The following UPF2 variants were observed in gnomAD, a reference collection of about 807,000 sequenced individuals.
The protein encoded by UPF2 is regulator of nonsense transcripts 2.
In UPF2, 17 loss-of-function variants were observed where a neutral mutation model predicts 141.4. The observed-to-expected ratio is 0.12, with a 90% CI of 0.08 to 0.18. The LOEUF (loss-of-function observed/expected upper bound fraction) is 0.18, where lower values mean the gene tolerates loss of function less well. UPF2 is among the 10% of genes least tolerant of loss of function. UPF2 has a pLI of 1.00. For missense variants in UPF2, 1,152 were observed against 1,515.9 expected, an observed-to-expected ratio of 0.76 and a Z score of 3.99; for synonymous variants, 540 against 498.0, an observed-to-expected ratio of 1.08 and a Z score of -1.12.
chr10:11,957,745 C>T (rs1387452214), intron 12 of UPF2, among the ~76,000 whole-genome samples: 5 of 152,170 alleles, frequency 3.3e-5, no homozygotes, highest in East Asian at 3.9e-4. Flanking sequence ...CTCGAATTCC[C>T]GGCCTCAAGT....
At chr10:11,955,869 G>A (rs1047161371) in intron 13 of UPF2, among the ~76,000 whole-genome samples, 22 of 152,220 alleles carry the variant, frequency 1.4e-4, no homozygotes, top group African/African-American at 4.3e-4. Flanking sequence ...TAGGCCGGGC[G>A]CAGTAGCTCA....
In UPF2 at chr10:12,042,433, G is replaced by T. The variant is rs1010435625; in HGVS notation, c.-19+322C>A. The stretch of plus-strand genomic sequence containing the variant: ...TCCCCTCGCTCTCCTCCACGCCCCC[G>T]AACACTTTCGCCCCTCCACCGCGGG... On this transcript the variant is annotated intron_variant, in intron 1 of 21. Coordinates refer to ENST00000357604, the MANE Select transcript of UPF2 (RefSeq NM_015542.4). The surrounding 1 kb of genome is among the most constrained non-coding windows in gnomAD (Gnocchi z 5.5). Among the ~76,000 whole-genome samples, 2 of 151,796 alleles carry T rather than the reference G, an allele frequency of 1.3e-5. No homozygotes were observed. The highest frequency in any genetic ancestry group is 4.8e-5 in the African/African-American group (2 of 41,294).
chr10:12,038,932 GCTA>G (rs1834685184), intron 1 of UPF2, among the ~76,000 whole-genome samples: 1 of 136,646 alleles, frequency 7.3e-6, no homozygotes, highest in Non-Finnish European at 1.7e-5. Flanking sequence ...CTTCCAAAGT[GCTA>G]GGATTACAGG....
chr10:12,006,720 T>A (rs1466564364), intron 4 of UPF2, among the ~76,000 whole-genome samples: 1 of 152,226 alleles, frequency 6.6e-6, no homozygotes, highest in African/African-American at 2.4e-5. Context: ...GAGCATAGTA[T>A]AATGAATATA....
rs1402468674 is a variant in UPF2 at position 11,931,534 on chromosome 10, T to C, written c.3688+107A>G. On this transcript the variant is annotated intron_variant, in intron 20 of 21. Transcript: ENST00000357604. The surrounding 1 kb of genome is among the most constrained non-coding windows in gnomAD (Gnocchi z 5.9). The stretch of plus-strand genomic sequence containing the variant: ...AACAGTGGGATACAAAATGAATTTC[T>C]CAGCATAAATATGGAAAAATATGAC... 1 of 1,192,764 alleles carries C rather than the reference T, an allele frequency of 8.4e-7. No homozygotes were observed. The highest frequency in any genetic ancestry group is 1.1e-6 in the Non-Finnish European group (1 of 886,380). 73.9% of individuals were successfully genotyped at this position (1,192,764 alleles called of 1,614,324 possible).
chr10:11,966,328 T>C (rs1833319279), intron 10 of UPF2, among the ~76,000 whole-genome samples: 1 of 152,252 alleles, frequency 6.6e-6, no homozygotes, highest in African/African-American at 2.4e-5. Flanking sequence ...TTTTGCTTTA[T>C]ATATTTTGAA....
intron 2 of UPF2, among the ~76,000 whole-genome samples, chr10:12,034,739 A>G (rs1834591892): frequency 2.0e-5 from 3 of 152,038 alleles, no homozygotes; most frequent in South Asian, 4.2e-4. Flanking sequence ...CAGGAGGCGG[A>G]GGTTGGAGTG....
rs756847596 is a variant in UPF2, at chr10:11,952,204, G to A, written c.2896C>T (p.His966Tyr). The part of the protein sequence containing the change: ...KKSLEVWTKD[H>Y]PFPIDIDYMI... ...TAATCTATATCAATAGGAAATGGAT[G>A]GTCTTTTGTCCAAACCTCCAAACTT... The change falls in exon 15 of 22, where the codon CAT (histidine) becomes TAT (tyrosine). Residue 966 changes from histidine (H) to tyrosine (Y), a missense_variant. By Grantham distance (83) the His-to-Tyr change is moderately conservative (BLOSUM62 2). Coordinates refer to ENST00000357604, the MANE Select transcript of UPF2 (RefSeq NM_015542.4). 1.2e-6 allele frequency: 2 copies of A among 1,612,058 alleles called. No individual in the cohort carries two copies. Among genetic ancestry groups the A allele is most frequent in the African/African-American group, 1.3e-5 (1 of 74,794 alleles).
intron 9 of UPF2, among the ~76,000 whole-genome samples, chr10:11,970,585 G>T (rs1393675860): frequency 6.6e-6 from 1 of 152,112 alleles, no homozygotes; most frequent in Non-Finnish European, 1.5e-5. Context: ...GCCAAGGCAG[G>T]TGGATCACTT....
intron 14 of UPF2, among the ~76,000 whole-genome samples, chr10:11,954,279 A>G (rs1038842413): frequency 6.6e-6 from 1 of 152,162 alleles, no homozygotes; most frequent in East Asian, 1.9e-4. Context: ...AAATGAACAA[A>G]TATTCTTACT....
chr10:12,032,677 G>T (rs900036757), intron 2 of UPF2, among the ~76,000 whole-genome samples: 4 of 150,500 alleles, frequency 2.7e-5, no homozygotes, highest in African/African-American at 7.3e-5. Flanking sequence ...GGCAGAGATC[G>T]CAGTGAGCCA....
rs1832919483 is a variant in UPF2 at position 11,940,146 on chromosome 10, T to C, written c.3378+2519A>G. Among the ~76,000 whole-genome samples the C allele has an allele frequency of 6.6e-6, 1 of 152,192 alleles. No individual in the cohort carries two copies. The highest frequency in any genetic ancestry group is 2.4e-5 in the African/African-American group (1 of 41,450). On this transcript the variant is annotated intron_variant, in intron 18 of 21. Coordinates refer to ENST00000357604, the MANE Select transcript of UPF2 (RefSeq NM_015542.4). The surrounding 1 kb of genome is among the most constrained non-coding windows in gnomAD (Gnocchi z 4.2). ...AACTAGGGCCTAATATAGAATTAAG[T>C]TTTTCTCCAGCACAAAAAGCACATC...
rs931223007 is a variant in UPF2, at chr10:11,959,153, TG to T, written c.2370+17del. On this transcript the variant is annotated intron_variant, in intron 12 of 21. Transcript: ENST00000357604. This position sits in a 1 kb window ranked among gnomAD's most constrained non-coding sequence, Gnocchi z 5.9. ...AATCTCACGTTAACTATTAACTGCA[TG>T]ATTTCATAAGATTTACCTTCTCGGT... 2 of 1,561,114 alleles carry T rather than the reference TG, an allele frequency of 1.3e-6. No individual in the cohort carries two copies. The highest frequency in any genetic ancestry group is 2.8e-5 in the African/African-American group (2 of 72,494).
At chr10:11,983,510 C>T (rs1370740332) in intron 8 of UPF2, among the ~76,000 whole-genome samples, 2 of 151,758 alleles carry the variant, frequency 1.3e-5, no homozygotes, top group Non-Finnish European at 2.9e-5. Flanking sequence ...GTAGCTGGGA[C>T]TACCAGCGCG....
intron 9 of UPF2, among the ~76,000 whole-genome samples, chr10:11,968,596 C>T (rs1833361629): frequency 6.9e-6 from 1 of 145,832 alleles, no homozygotes; most frequent in Non-Finnish European, 1.5e-5. Context: ...AATATAATCA[C>T]TGTTCTTTTT....
chr10:11,976,128 T>C (rs918380956), intron 9 of UPF2, among the ~76,000 whole-genome samples: 8 of 152,220 alleles, frequency 5.3e-5, no homozygotes, highest in Admixed American at 1.3e-4. Flanking sequence ...TCAGTGAAAT[T>C]AGCAAACCCA....
In UPF2 at chr10:11,931,913, G is replaced by A; in HGVS notation, c.3547-131C>T. ...CGCCTGTAATCCCAGCACTTTGGGA[G>A]GCCGAGGCGGGCGGATCACGAGGTC... On this transcript the variant is annotated intron_variant, in intron 19 of 21. Coordinates refer to ENST00000357604, the MANE Select transcript of UPF2 (RefSeq NM_015542.4). This position sits in a 1 kb window ranked among gnomAD's most constrained non-coding sequence, Gnocchi z 5.9. 10 of 913,636 alleles carry A rather than the reference G, an allele frequency of 1.1e-5. No homozygotes were observed. Among genetic ancestry groups the A allele is most frequent in the Non-Finnish European group, 1.6e-5 (10 of 637,024 alleles). The allele number at this position is 913,636 out of a possible 1,614,324, so 56.6% of individuals were successfully genotyped here.
Position 11,956,710 on chromosome 10 carries a change from C to T in UPF2, c.2371-187G>A, listed in dbSNP as rs1300902504. The stretch of plus-strand genomic sequence containing the variant: ...TAATTACAATAAAATGTATTATCAT[C>T]TTTCCTAAATCCTTCCATAGTGCTC... On this transcript the variant is annotated intron_variant, in intron 12 of 21. Coordinates refer to ENST00000357604, the MANE Select transcript of UPF2 (RefSeq NM_015542.4). This position sits in a 1 kb window ranked among gnomAD's most constrained non-coding sequence, Gnocchi z 4.2. 6.6e-6 allele frequency among the ~76,000 whole-genome samples: 1 copy of T among 152,186 alleles called. No individual in the cohort carries two copies. The highest frequency in any genetic ancestry group is 6.5e-5 in the Admixed American group (1 of 15,276).
At chr10:11,932,041 C>T (rs1366588426) in intron 19 of UPF2, among the ~76,000 whole-genome samples, 2 of 151,842 alleles carry the variant, frequency 1.3e-5, no homozygotes, top group Non-Finnish European at 2.9e-5. Flanking sequence ...CCCAGCTACC[C>T]GGGAGGCTGA....
Sources: gnomAD v4.1 joint callset for allele counts (sites outside exome capture counted in the v4.1 genomes callset) on GRCh38, gnomAD v4.1.1 for gene constraint, Gnocchi (gnomAD v3.1) non-coding constraint, MANE v1.5 for transcripts, NCBI Gene and HGNC (gene_info 2026-07-23, HGNC 2026-07-21) for gene names.